The following WDFY3 variants were observed in gnomAD, a reference collection of about 807,000 sequenced individuals.
WDFY3 encodes the protein WD repeat and FYVE domain containing 3.
WDFY3 carries 66 observed loss-of-function variants against 409.6 expected under a neutral mutation model. That is an observed-to-expected ratio of 0.16 (90% confidence interval 0.13 to 0.20). The LOEUF is 0.20. WDFY3 is among the 10% of genes least tolerant of loss of function. The pLI is 1.00. For missense variants in WDFY3, 3,031 were observed against 4,298.1 expected (o/e 0.71, Z 8.24); for synonymous variants, 1,521 against 1,537.1 (o/e 0.99, Z 0.25).
intron 50 of WDFY3, 57 bp from the exon 51 acceptor site, chr4:84,713,296 G>C: frequency 1.3e-6 from 2 of 1,482,354 alleles, no homozygotes; most frequent in Non-Finnish European, 1.9e-6. Context: ...GGATCTAATG[G>C]GAAGCCTAAG....
intron 49 of WDFY3, among the ~76,000 whole-genome samples, chr4:84,715,777 A>G (rs1056124086): frequency 6.4e-4 from 85 of 133,652 alleles, no homozygotes; most frequent in African/African-American, 2.1e-3. Flanking sequence ...TCTGTCTCAG[A>G]AAAAAAAAAA....
At chr4:84,824,343 G>A (rs1376224880) in intron 10 of WDFY3, among the ~76,000 whole-genome samples, 2 of 152,026 alleles carry the variant, frequency 1.3e-5, no homozygotes, top group Non-Finnish European at 2.9e-5. Flanking sequence ...CTCTTACTGT[G>A]ACAAATTTAT....
chr4:84,762,540 C>A (rs979403071), intron 32 of WDFY3, among the ~76,000 whole-genome samples: 1 of 151,294 alleles, frequency 6.6e-6, no homozygotes, highest in African/African-American at 2.4e-5. Context: ...GTGCAGCACA[C>A]CAGCATGTCA....
intron 1 of WDFY3, among the ~76,000 whole-genome samples, chr4:84,964,398 G>A (rs1202163574): frequency 6.6e-6 from 1 of 152,234 alleles, no homozygotes; most frequent in African/African-American, 2.4e-5. Context: ...GGGCCCAGAA[G>A]TTCAAGGCTG....
In WDFY3 at chr4:84,860,475, G is replaced by C; in HGVS notation, c.117C>G (p.Pro39=). 2 of 1,614,116 alleles carry C rather than the reference G, an allele frequency of 1.2e-6. No homozygotes were observed. Among genetic ancestry groups the C allele is most frequent in the Non-Finnish European group, 1.7e-6 (2 of 1,180,004 alleles). Residue 39 remains proline, a synonymous_variant, in exon 4 of 68, where the codon CCC becomes CCG. Coordinates refer to ENST00000295888, the MANE Select transcript of WDFY3 (RefSeq NM_014991.6). ...RRLFTELCHP[P]RHMTQKEQEE... is the part of the protein sequence containing the mutation. ...CTTGTTCCTTCTGAGTCATGTGCCGGGGAGGATGGCACAACTCCGTGAAGA... is the reference window on the plus strand; with the variant it reads ...CTTGTTCCTTCTGAGTCATGTGCCGCGGAGGATGGCACAACTCCGTGAAGA...
chr4:84,804,468 A>T (rs1578598547), intron 15 of WDFY3, among the ~76,000 whole-genome samples: 1 of 152,200 alleles, frequency 6.6e-6, no homozygotes, highest in African/African-American at 2.4e-5. Flanking sequence ...TTTAACAGGG[A>T]TTCTAGGAAA....
intron 21 of WDFY3, among the ~76,000 whole-genome samples, chr4:84,792,264 G>T (rs16995923): frequency 1.3e-5 from 2 of 152,038 alleles, no homozygotes; most frequent in Non-Finnish European, 2.9e-5. Context: ...TTATCCATGA[G>T]GTGACTTGAT....
chr4:84,804,845 A>T (rs942769977), intron 15 of WDFY3, among the ~76,000 whole-genome samples: 1 of 152,190 alleles, frequency 6.6e-6, no homozygotes, highest in African/African-American at 2.4e-5. Context: ...TTCCAAAATC[A>T]TTTCTAAATT....
At chr4:84,674,226 A>G (rs773426955) in intron 67 of WDFY3, among the ~76,000 whole-genome samples, 18 of 152,330 alleles carry the variant, frequency 1.2e-4, no homozygotes, top group Non-Finnish European at 2.2e-4. Context: ...ATTAAACACT[A>G]CAAAGAACAG....
intron 30 of WDFY3, among the ~76,000 whole-genome samples, chr4:84,769,334 C>T (rs944404098): frequency 6.6e-6 from 1 of 152,282 alleles, no homozygotes; most frequent in East Asian, 1.9e-4. Context: ...CAAACAGTAT[C>T]GCATGCCACA....
intron 45 of WDFY3, among the ~76,000 whole-genome samples, chr4:84,726,079 G>T (rs891261255): frequency 6.6e-6 from 1 of 152,010 alleles, no homozygotes; most frequent in East Asian, 1.9e-4. Flanking sequence ...AAGGAAGGTC[G>T]TAGATTTTGT....
At chr4:84,850,942 T>G (rs1486663018) in intron 4 of WDFY3, among the ~76,000 whole-genome samples, 1 of 69,102 alleles carries the variant, frequency 1.4e-5, no homozygotes, top group Non-Finnish European at 3.3e-5. Context: ...TTTTTTTTTT[T>G]TTTTTTTTTT....
At position 84,705,892 on chromosome 4, in the gene WDFY3, A is replaced by G. The variant is rs528942628; in HGVS notation, c.8218-381T>C. Among the ~76,000 whole-genome samples the G allele has an allele frequency of 2.8e-4, 43 of 152,296 alleles. No individual in the cohort carries two copies. In the South Asian group the frequency reaches 8.7e-3, roughly 31 times the overall value. ...ATTCATCGTTAACTTCATCACTCACATAACTGGAGGATCAGATCTCCCTTG... is the reference window on the plus strand; with the variant it reads ...ATTCATCGTTAACTTCATCACTCACGTAACTGGAGGATCAGATCTCCCTTG... On this transcript the variant is annotated intron_variant, in intron 53 of 67. Coordinates refer to ENST00000295888, the MANE Select transcript of WDFY3 (RefSeq NM_014991.6).
chr4:84,896,740 T>C (rs1001903306), intron 3 of WDFY3, among the ~76,000 whole-genome samples, 171 bp downstream of exon 3: 2 of 152,218 alleles, frequency 1.3e-5, no homozygotes, highest in African/African-American at 4.8e-5. Flanking sequence ...ATACATTTTC[T>C]ATTTCCTAAA....
chr4:84,922,373 C>T (rs1769400685), intron 2 of WDFY3, among the ~76,000 whole-genome samples: 1 of 152,190 alleles, frequency 6.6e-6, no homozygotes, highest in Admixed American at 6.5e-5. Flanking sequence ...AAACATGTCA[C>T]ACTACGGCCT....
At chr4:84,945,460 C>T (rs775614539) in intron 1 of WDFY3, among the ~76,000 whole-genome samples, 42 of 152,252 alleles carry the variant, frequency 2.8e-4, no homozygotes, top group Non-Finnish European at 5.6e-4. Flanking sequence ...ATAAATCACA[C>T]TCACAGGGCC....
chr4:84,764,113 T>C (rs1484733545), intron 32 of WDFY3, among the ~76,000 whole-genome samples: 1 of 152,200 alleles, frequency 6.6e-6, no homozygotes, highest in East Asian at 1.9e-4. Flanking sequence ...AGATGATATA[T>C]GTGAACTAAT....
chr4:84,688,727 T>G (rs1468341347), intron 61 of WDFY3, among the ~76,000 whole-genome samples: 1 of 151,994 alleles, frequency 6.6e-6, no homozygotes, highest in African/African-American at 2.4e-5. Context: ...TTTAAAAAAA[T>G]GCATAAACTG....
intron 2 of WDFY3, among the ~76,000 whole-genome samples, chr4:84,916,812 A>G (rs1391043432): frequency 1.3e-5 from 2 of 152,182 alleles, no homozygotes; most frequent in South Asian, 2.1e-4. Context: ...TACAGACAAA[A>G]TTCCATTAAG....
Sources: allele counts gnomAD v4.1 joint callset (sites outside exome capture counted in the v4.1 genomes callset), GRCh38; gene constraint gnomAD v4.1.1; transcripts MANE v1.5; gene names NCBI Gene and HGNC (gene_info 2026-07-23, HGNC 2026-07-21).